The following PLA2G4C variants were observed in gnomAD, a reference collection of about 807,000 sequenced individuals.
The protein encoded by PLA2G4C is cytosolic phospholipase A2 gamma.
PLA2G4C carries 64 observed loss-of-function variants against 73.8 expected under a neutral mutation model. That is an observed-to-expected ratio of 0.87 (90% CI 0.71 to 1.07). The LOEUF (loss-of-function observed/expected upper bound fraction) is 1.07. Among genes scored for constraint, PLA2G4C ranks in the 50% least tolerant of loss-of-function variants. The pLI, the probability that PLA2G4C is intolerant of heterozygous loss-of-function variation, is 0.00. For missense variants in PLA2G4C, 622 were observed against 665.4 expected, an observed-to-expected ratio of 0.93 and a Z score of 0.72; for synonymous variants, 254 against 252.1, an observed-to-expected ratio of 1.01 and a Z score of -0.07.
chr19:48,079,353 C>T (rs2030388860), intron 10 of PLA2G4C, among the ~76,000 whole-genome samples: 2 of 152,030 alleles, frequency 1.3e-5, no homozygotes, highest in Non-Finnish European at 2.9e-5. Context: ...ATAGAGAGCC[C>T]AGAAATAAAG....
intron 6 of PLA2G4C, among the ~76,000 whole-genome samples, chr19:48,096,385 C>T (rs1159673991): frequency 6.6e-6 from 1 of 151,964 alleles, no homozygotes; most frequent in African/African-American, 2.4e-5. Context: ...GAGTTCGAGA[C>T]CAGCCTGATT....
At chr19:48,082,611 G>A (rs2030661162) in intron 10 of PLA2G4C, among the ~76,000 whole-genome samples, 1 of 146,146 alleles carries the variant, frequency 6.8e-6, no homozygotes, top group Admixed American at 7.1e-5. Flanking sequence ...CAATTCCCCT[G>A]CTTCAGCCTC....
At chr19:48,049,948 A>C (rs1013707019) in intron 16 of PLA2G4C, among the ~76,000 whole-genome samples, 6 of 152,114 alleles carry the variant, frequency 3.9e-5, no homozygotes, top group Non-Finnish European at 5.9e-5. Flanking sequence ...TTTGAGACGG[A>C]ATCTCCCTCT....
At chr19:48,088,774 T>C (rs1454244884) in intron 8 of PLA2G4C, 62 bp from the exon 9 acceptor site, 11 of 1,207,510 alleles carry the variant, frequency 9.1e-6, no homozygotes, top group Admixed American at 1.7e-5. Flanking sequence ...AGTTATAATA[T>C]AAAAAATACA....
intron 10 of PLA2G4C, among the ~76,000 whole-genome samples, chr19:48,081,551 A>T (rs986449648): frequency 2.6e-5 from 4 of 151,544 alleles, no homozygotes; most frequent in Non-Finnish European, 4.4e-5. Flanking sequence ...TGAGGTCAGG[A>T]GTTCGAGACC....
chr19:48,091,435 G>A (rs2031290541), intron 7 of PLA2G4C, among the ~76,000 whole-genome samples: 1 of 152,008 alleles, frequency 6.6e-6, no homozygotes, highest in Admixed American at 6.6e-5. Context: ...TGATCTGCCC[G>A]CCTCGGCCTC....
chr19:48,055,866 C>T (rs989234614), intron 14 of PLA2G4C, among the ~76,000 whole-genome samples: 45 of 151,946 alleles, frequency 3.0e-4, no homozygotes, highest in African/African-American at 1.1e-3. Flanking sequence ...TCAGGTGATC[C>T]GCTCGTCTCA....
chr19:48,080,932 G>T (rs2030513443), intron 10 of PLA2G4C, among the ~76,000 whole-genome samples: 1 of 150,884 alleles, frequency 6.6e-6, no homozygotes, highest in South Asian at 2.1e-4. Flanking sequence ...GCTGAGGCGG[G>T]TGGATCATGA....
chr19:48,052,370 T>C (rs1401683280), intron 16 of PLA2G4C: 2 of 152,174 alleles, frequency 1.3e-5, no homozygotes, highest in African/African-American at 4.8e-5. Context: ...GTTCTTGTGA[T>C]AGTGACGGAG....
At chr19:48,094,955 A>T (rs1019047778) in intron 7 of PLA2G4C, among the ~76,000 whole-genome samples, 2 of 152,020 alleles carry the variant, frequency 1.3e-5, no homozygotes, top group Non-Finnish European at 2.9e-5. Flanking sequence ...GGCGATCATA[A>T]CTCACTGCAG....
chr19:48,058,491 C>G (rs545275101), intron 14 of PLA2G4C, among the ~76,000 whole-genome samples: 9 of 152,214 alleles, frequency 5.9e-5, no homozygotes, highest in Admixed American at 4.6e-4. Context: ...ACCTGTATTA[C>G]AGAGGAATTT....
At chr19:48,098,713 TAAAAAAAAAAAAAAAAAAAAAAAAAA>T (rs548688675) in intron 5 of PLA2G4C, among the ~76,000 whole-genome samples, 2 of 30,860 alleles carry the variant, frequency 6.5e-5, no homozygotes, top group Non-Finnish European at 5.9e-5. Context: ...ACCCTATCTC[TAAAAAAAAAAAAAAAAAAAAAAAAAA>T]AAAAAAAAAA....
chr19:48,053,722 T>C (rs11564650), intron 15 of PLA2G4C, among the ~76,000 whole-genome samples: 44,656 of 152,064 alleles, frequency 0.29, 7,346 homozygotes, highest in African/African-American at 0.44. Flanking sequence ...CCTGGAACCA[T>C]GGCTGATGCA....
At chr19:48,093,284 C>CA (rs2031403919) in intron 7 of PLA2G4C, among the ~76,000 whole-genome samples, 1 of 152,134 alleles carries the variant, frequency 6.6e-6, no homozygotes, top group African/African-American at 2.4e-5. Flanking sequence ...CCTTACTCTC[C>CA]ACATCCAATC....
intron 12 of PLA2G4C, chr19:48,074,497 C>G: frequency 2.1e-6 from 1 of 470,546 alleles, no homozygotes; most frequent in South Asian, 2.2e-5. Context: ...TGGGCATATA[C>G]CCAGTAATGG....
intron 12 of PLA2G4C, among the ~76,000 whole-genome samples, chr19:48,070,161 G>C (rs566264150): frequency 4.6e-5 from 7 of 152,194 alleles, no homozygotes; most frequent in Non-Finnish European, 5.9e-5. Context: ...GAATAAGTAA[G>C]AGCCTGCCTA....
chr19:48,098,748 A>G lies in PLA2G4C; in HGVS notation c.448-489T>C, dbSNP rs547699072. The stretch of plus-strand genomic sequence containing the variant: ...AAAAAAAAAAAAAAAAAAAAAAAAA[A>G]AAAATTTGTCAGGCCCAGTGGTGCG... On this transcript the variant is annotated intron_variant, in intron 5 of 16. Transcript: ENST00000599921. 1.8e-4 allele frequency among the ~76,000 whole-genome samples: 24 copies of G among 135,360 alleles called. No individual in the cohort carries two copies. In the South Asian group the frequency reaches 5.5e-3, roughly 31 times the overall value. The allele number at this position is 135,360 out of a possible 152,430, so 88.8% of individuals were successfully genotyped here.
At chr19:48,069,006 T>C (rs1458213612) in intron 12 of PLA2G4C, among the ~76,000 whole-genome samples, 1 of 148,568 alleles carries the variant, frequency 6.7e-6, no homozygotes, top group African/African-American at 2.5e-5. Flanking sequence ...AGGTCAGGGG[T>C]TCGAGACCAG....
intron 14 of PLA2G4C, among the ~76,000 whole-genome samples, chr19:48,057,717 T>A (rs1968010877): frequency 6.6e-6 from 1 of 150,554 alleles, no homozygotes; most frequent in Non-Finnish European, 1.5e-5. Flanking sequence ...CTCAAACACC[T>A]GACCTCAGGT....
Sources: gnomAD v4.1 joint callset for allele counts (sites outside exome capture counted in the v4.1 genomes callset) on GRCh38, gnomAD v4.1.1 for gene constraint, MANE v1.5 for transcripts, NCBI Gene and HGNC (gene_info 2026-07-23, HGNC 2026-07-21) for gene names.